HLCS: variants seen among roughly 807,000 people sequenced by gnomAD.
HLCS encodes holocarboxylase synthetase, also known as biotin--protein ligase.
A neutral mutation model predicts 75.0 loss-of-function variants in HLCS; 53 were observed. The observed-to-expected ratio is 0.71, with a 90% CI of 0.57 to 0.89. The LOEUF (loss-of-function observed/expected upper bound fraction) is 0.89, where lower values mean the gene tolerates loss of function less well. Among genes scored for constraint, HLCS ranks in the 40% least tolerant of loss-of-function variants. The pLI is 0.00. For synonymous variants in HLCS, 431 were observed against 428.6 expected (o/e 1.01, Z -0.07); for missense variants, 966 against 1,074.0 (o/e 0.90, Z 1.41).
rs1362960592 is a variant in HLCS, at chr21:36,833,410, C to G, written c.1892+63450G>C. On this transcript the variant is annotated intron_variant, in intron 6 of 10. Coordinates refer to ENST00000674895, the MANE Select transcript of HLCS (RefSeq NM_001352514.2). Reference sequence around the variant, plus strand: ...GACCAGCCTGGCCAACATGGTGAAGCCCTGCCACTAATAAAAATACAAAAA... The same window carrying G: ...GACCAGCCTGGCCAACATGGTGAAGGCCTGCCACTAATAAAAATACAAAAA... 2.0e-5 allele frequency among the ~76,000 whole-genome samples: 3 copies of G among 151,474 alleles called. No individual in the cohort carries two copies. In the East Asian group the frequency reaches 5.9e-4, roughly 30 times the overall value.
chr21:36,953,572 T>A (rs964603012), intron 2 of HLCS, among the ~76,000 whole-genome samples: 1 of 152,204 alleles, frequency 6.6e-6, no homozygotes, highest in African/African-American at 2.4e-5. Context: ...TCCTACATAA[T>A]ATAGTAACTA....
At chr21:36,827,493 G>C (rs1362784745) in intron 6 of HLCS, among the ~76,000 whole-genome samples, 1 of 149,874 alleles carries the variant, frequency 6.7e-6, no homozygotes, top group African/African-American at 2.5e-5. Context: ...AGAATCACTT[G>C]AACCTGGGAG....
chr21:36,753,647 A>C lies in HLCS; in HGVS notation c.*599T>G, dbSNP rs2089445034. On this transcript the variant is annotated 3_prime_UTR_variant, in exon 11 of 11. Coordinates refer to ENST00000674895, the MANE Select transcript of HLCS (RefSeq NM_001352514.2). The surrounding 1 kb of genome is among the most constrained non-coding windows in gnomAD (Gnocchi z 4.3). ...TCTACAAGGTCACTGCAACCACACC[A>C]GCTAGCTCTATCTCTACAGGCATTT... The C allele has an allele frequency of 6.4e-6, 1 of 156,416 alleles. No homozygotes were observed. The highest frequency in any genetic ancestry group is 2.0e-4 in the South Asian group (1 of 5,104). 9.7% of individuals were successfully genotyped at this position (156,416 alleles called of 1,614,324 possible).
chr21:36,916,199 A>C (rs1180993529), intron 5 of HLCS, among the ~76,000 whole-genome samples: 3 of 152,228 alleles, frequency 2.0e-5, no homozygotes, highest in African/African-American at 4.8e-5. Context: ...TACTTGGGTT[A>C]GGAAATTGCA....
At chr21:36,838,932 C>T (rs554739815) in intron 6 of HLCS, among the ~76,000 whole-genome samples, 24 of 152,268 alleles carry the variant, frequency 1.6e-4, no homozygotes, top group African/African-American at 4.3e-4. Flanking sequence ...CCTCCAGAAC[C>T]GACAGAGAAT....
chr21:36,937,783 C>T (rs763012516), intron 3 of HLCS, among the ~76,000 whole-genome samples: 3 of 152,212 alleles, frequency 2.0e-5, no homozygotes, highest in Non-Finnish European at 4.4e-5. Context: ...TATCTAGAGT[C>T]TACCCCAGCA....
At chr21:36,811,325 G>A (rs1280240701) in intron 6 of HLCS, among the ~76,000 whole-genome samples, 11 of 152,198 alleles carry the variant, frequency 7.2e-5, no homozygotes, top group Non-Finnish European at 1.6e-4. Flanking sequence ...CAAGCTAGCA[G>A]TGACCTATTT....
intron 6 of HLCS, among the ~76,000 whole-genome samples, chr21:36,845,541 G>C (rs890817800): frequency 6.6e-6 from 1 of 152,110 alleles, no homozygotes; most frequent in African/African-American, 2.4e-5. Context: ...GGTATGCAAG[G>C]CTCATTCATG....
chr21:36,856,729 C>T (rs2146169998), intron 6 of HLCS, among the ~76,000 whole-genome samples: 1 of 152,280 alleles, frequency 6.6e-6, no homozygotes, highest in African/African-American at 2.4e-5. Context: ...CACCAATAAT[C>T]ACCTAGTTAA....
At chr21:36,772,638 CAAAAAAAAAAA>C (rs34788426) in intron 6 of HLCS, among the ~76,000 whole-genome samples, 1 of 80,876 alleles carries the variant, frequency 1.2e-5, no homozygotes, top group African/African-American at 5.2e-5. Context: ...GACACTGTCT[CAAAAAAAAAAA>C]AAAAAAAAAA....
upstream of HLCS, among the ~76,000 whole-genome samples, chr21:36,968,104 C>T (rs1372362251): frequency 3.9e-5 from 6 of 152,086 alleles, no homozygotes; most frequent in African/African-American, 4.8e-5. Context: ...TCTGCAGCTT[C>T]GAACTCTGAG....
At chr21:36,817,446 A>G (rs1302905717) in intron 6 of HLCS, among the ~76,000 whole-genome samples, 1 of 152,180 alleles carries the variant, frequency 6.6e-6, no homozygotes, top group East Asian at 1.9e-4. Context: ...TTGTCTGACT[A>G]TGGCTCAAGA....
At chr21:36,917,729 C>T (rs2065992363) in intron 5 of HLCS, among the ~76,000 whole-genome samples, 1 of 152,058 alleles carries the variant, frequency 6.6e-6, no homozygotes, top group Admixed American at 6.6e-5. Context: ...GTGAGCTCAG[C>T]CTCACCATTC....
At chr21:36,827,573 CAA>C (rs111359900) in intron 6 of HLCS, among the ~76,000 whole-genome samples, 3 of 105,708 alleles carry the variant, frequency 2.8e-5, no homozygotes, top group Admixed American at 1.1e-4. Context: ...GACTCCATCT[CAA>C]AAAAAAAAAA....
chr21:36,841,643 G>A (rs1399705591), intron 6 of HLCS, among the ~76,000 whole-genome samples: 2 of 152,208 alleles, frequency 1.3e-5, no homozygotes, highest in Non-Finnish European at 2.9e-5. Context: ...ATCATCTTCA[G>A]GCAGGCTTCT....
chr21:36,893,878 G>C lies in HLCS; in HGVS notation c.1892+2982C>G, dbSNP rs73389334. Among the ~76,000 whole-genome samples, 1,022 of 152,282 alleles carry C rather than the reference G, an allele frequency of 6.7e-3. 9 individuals are homozygous for C. Among genetic ancestry groups the C allele is most frequent in the African/African-American group, 0.024 (983 of 41,548 alleles). On this transcript the variant is annotated intron_variant, in intron 6 of 10. Transcript: ENST00000674895. ...GATTTGTTTAAAGCACACAAAAGCA[G>C]CAACTGGAAGAGAACAGCTGCCAGT... is the stretch of plus-strand genomic sequence containing the variant.
intron 1 of HLCS, among the ~76,000 whole-genome samples, chr21:36,987,572 C>A (rs1373505480): frequency 6.6e-6 from 1 of 152,144 alleles, no homozygotes; most frequent in African/African-American, 2.4e-5. Context: ...GAGATCACAC[C>A]ACTGCACTCC....
At chr21:36,827,621 C>T (rs1270331806) in intron 6 of HLCS, among the ~76,000 whole-genome samples, 3 of 151,048 alleles carry the variant, frequency 2.0e-5, no homozygotes, top group East Asian at 3.9e-4. Flanking sequence ...AAATAACCAC[C>T]GAGCTGAAAG....
At chr21:36,881,180 G>A (rs796477124) in intron 6 of HLCS, among the ~76,000 whole-genome samples, 11 of 152,222 alleles carry the variant, frequency 7.2e-5, no homozygotes, top group African/African-American at 2.4e-4. Flanking sequence ...ATGTTGGCCA[G>A]GATGGTCTCA....
Sources: gnomAD v4.1 joint callset for allele counts (sites outside exome capture counted in the v4.1 genomes callset) on GRCh38, gnomAD v4.1.1 for gene constraint, Gnocchi (gnomAD v3.1) non-coding constraint, MANE v1.5 for transcripts, NCBI Gene and HGNC (gene_info 2026-07-23, HGNC 2026-07-21) for gene names.